The following SPHK2 variants were observed in gnomAD, a reference collection of about 807,000 sequenced individuals.
SPHK2 encodes sphingosine kinase 2.
In SPHK2, 18 loss-of-function variants were observed where a neutral mutation model predicts 32.3. The observed-to-expected ratio is 0.56, with a 90% CI of 0.39 to 0.83. SPHK2 has a LOEUF of 0.83. Ranked by LOEUF, SPHK2 falls within the 40% of genes least tolerant of loss-of-function variation. The pLI, the probability that SPHK2 is intolerant of heterozygous loss-of-function variation, is 0.00. For missense variants in SPHK2, 850 were observed against 908.7 expected, an observed-to-expected ratio of 0.94 and a Z score of 0.83; for synonymous variants, 462 against 417.6, an observed-to-expected ratio of 1.11 and a Z score of -1.30.
Position 48,629,730 on chromosome 19 carries a change from C to G in SPHK2, c.1922C>G (p.Thr641Arg). 1 of 1,598,244 alleles carries G rather than the reference C, an allele frequency of 6.3e-7. No individual in the cohort carries two copies. ...GCACAGATGCACCCTGGCATCGGTA[C>G]ACTGCTCACTGGGCCTCCTGGCTGC... ...LQAQMHPGIG[T>R]LLTGPPGCPG... Residue 641 changes from threonine to arginine, a missense_variant, in exon 7 of 7, where the codon ACA becomes AGA. Thr to Arg is a moderately conservative substitution (Grantham distance 71). Coordinates refer to ENST00000245222, the MANE Select transcript of SPHK2 (RefSeq NM_020126.5).
At position 48,626,161 on chromosome 19, in the gene SPHK2, C is replaced by T. The variant is rs1452074204; in HGVS notation, c.310C>T (p.Arg104Ter). The T allele has an allele frequency of 5.0e-6, 8 of 1,596,386 alleles. No homozygotes were observed. The highest frequency in any genetic ancestry group is 8.5e-7 in the Non-Finnish European group (1 of 1,171,946). ...LAEVSGCCTL[R>*]SRSPSDSAAY... Reference sequence around the variant, plus strand: ...CGAGGTCTCAGGCTGCTGCACCCTGCGAAGCCGCAGCCCCTCAGACTCAGC... The same window carrying T: ...CGAGGTCTCAGGCTGCTGCACCCTGTGAAGCCGCAGCCCCTCAGACTCAGC... Residue 104 changes from arginine to a stop codon, truncating the protein, a stop_gained, in exon 3 of 7, where the codon CGA becomes TGA. Coordinates refer to ENST00000245222, the MANE Select transcript of SPHK2 (RefSeq NM_020126.5). LOFTEE classifies it high-confidence loss of function.
Position 48,629,501 on chromosome 19 carries a change from C to G in SPHK2, c.1693C>G (p.Leu565Val). 1 of 1,607,466 alleles carries G rather than the reference C, an allele frequency of 6.2e-7. No individual in the cohort carries two copies. The highest frequency in any genetic ancestry group is 8.5e-7 in the Non-Finnish European group (1 of 1,178,498). The change falls in exon 7 of 7, where the codon CTG (leucine) becomes GTG (valine). Residue 565 changes from leucine (L) to valine (V), a missense_variant. By Grantham distance (32) the Leu-to-Val change is conservative (BLOSUM62 1). This residue lies in a region of SPHK2 where 306 missense variants were observed against 268.6 expected (regional missense o/e 1.14). Coordinates refer to ENST00000245222, the MANE Select transcript of SPHK2 (RefSeq NM_020126.5). ...TCCGCATGCGCGCTTCGACGACGGC[C>G]TGGTGCACCTGTGCTGGGTGCGTAG... ...AAPHARFDDG[L>V]VHLCWVRSGI...
intron 2 of SPHK2, among the ~76,000 whole-genome samples, chr19:48,621,754 G>A (rs570501514): frequency 2.6e-5 from 4 of 152,278 alleles, no homozygotes; most frequent in African/African-American, 7.2e-5. Flanking sequence ...TTATAGCAGC[G>A]AGAAACAAAG....
chr19:48,620,536 G>C lies in SPHK2; in HGVS notation c.22G>C (p.Glu8Gln), dbSNP rs1167377241. 1.9e-6 allele frequency: 3 copies of C among 1,612,926 alleles called. No individual in the cohort carries two copies. In the African/African-American group the frequency reaches 4.0e-5, roughly 22 times the overall value. Residue 8 changes from glutamate (E) to glutamine (Q), a missense_variant, in exon 2 of 7, where the codon GAG becomes CAG. By Grantham distance (29) the Glu-to-Gln change is conservative. Transcript: ENST00000245222. The stretch of plus-strand genomic sequence containing the variant: ...GCAGATGAATGGACACCTTGAAGCA[G>C]AGGAGCAGCAGGACCAGGTAAGGGA... MNGHLEA[E>Q]EQQDQRPDQE... is the part of the protein sequence containing the mutation.
chr19:48,629,981 A>G lies in SPHK2; in HGVS notation c.*208A>G. On this transcript the variant is annotated 3_prime_UTR_variant, in exon 7 of 7. Coordinates refer to ENST00000245222, the MANE Select transcript of SPHK2 (RefSeq NM_020126.5). ...AGAGAAATGGGCTCGTCCCGAGGGT[A>G]GTGCCTGATCAATGAGGGCGGGGCC... 1 of 1,400,104 alleles carries G rather than the reference A, an allele frequency of 7.1e-7. No homozygotes were observed. The highest frequency in any genetic ancestry group is 9.2e-7 in the Non-Finnish European group (1 of 1,081,444). The allele number at this position is 1,400,104 out of a possible 1,614,324, so 86.7% of individuals were successfully genotyped here. A position where few individuals can be genotyped will look rare whatever the true frequency, so the allele number is the denominator to read the frequency against.
Position 48,628,984 on chromosome 19 carries a change from T to C in SPHK2, c.1176T>C (p.His392=). The part of the protein sequence containing the change: ...TVEPASPTPA[H]SLPRAKSELT... ...AACCTGCCTCGCCCACCCCTGCCCA[T>C]AGCCTGCCTCGTGCCAAGTCGGAGC... The change falls in exon 7 of 7, where the codon CAT becomes CAC. Residue 392 remains histidine, a synonymous_variant. Transcript: ENST00000245222. This position sits in a 1 kb window ranked among gnomAD's most constrained non-coding sequence, Gnocchi z 5.2. The C allele has an allele frequency of 6.2e-7, 1 of 1,613,608 alleles. No individual in the cohort carries two copies. The highest frequency in any genetic ancestry group is 8.5e-7 in the Non-Finnish European group (1 of 1,179,942).
Position 48,629,619 on chromosome 19 carries a change from C to A in SPHK2, c.1811C>A (p.Ala604Glu). The part of the protein sequence containing the change: ...SLGCPQLGYA[A>E]ARAFRLEPLT... The stretch of plus-strand genomic sequence containing the variant: ...GGCTGTCCGCAGCTGGGCTACGCCG[C>A]GGCCCGTGCCTTCCGCCTAGAGCCG... The change falls in exon 7 of 7, where the codon GCG (alanine) becomes GAG (glutamate). Residue 604 changes from alanine to glutamate, a missense_variant. Ala to Glu is a moderately radical substitution (Grantham distance 107). Transcript: ENST00000245222. 1 of 1,598,762 alleles carries A rather than the reference C, an allele frequency of 6.3e-7. No homozygotes were observed. The highest frequency in any genetic ancestry group is 8.5e-7 in the Non-Finnish European group (1 of 1,173,320).
rs970656740 is a variant in SPHK2 at position 48,620,488 on chromosome 19, T to G, written c.-27T>G. Reference sequence around the variant, plus strand: ...TTAAGACCCAGGGCCAGGGTCCCGTTGATGTAACAGAGCAGAGGACCAGCA... The same window carrying G: ...TTAAGACCCAGGGCCAGGGTCCCGTGGATGTAACAGAGCAGAGGACCAGCA... On this transcript the variant is annotated 5_prime_UTR_variant, in exon 2 of 7. Transcript: ENST00000245222. 8.1e-6 allele frequency: 13 copies of G among 1,611,114 alleles called. No individual in the cohort carries two copies. Among genetic ancestry groups the G allele is most frequent in the East Asian group, 2.2e-5 (1 of 44,808 alleles).
intron 2 of SPHK2, chr19:48,625,077 G>C: frequency 1.0e-6 from 1 of 994,180 alleles, no homozygotes; most frequent in Admixed American, 5.6e-5. Context: ...AGACACCCAG[G>C]TCAGTGCTCA....
chr19:48,628,373 T>G lies in SPHK2; in HGVS notation c.872+96T>G, dbSNP rs2030173095. 5.0e-6 allele frequency: 6 copies of G among 1,209,006 alleles called. No individual in the cohort carries two copies. The East Asian group carries it at 1.4e-4, about 28-fold the overall frequency. 74.9% of individuals were successfully genotyped at this position (1,209,006 alleles called of 1,614,324 possible). A position where few individuals can be genotyped will look rare whatever the true frequency, so the allele number is the denominator to read the frequency against. On this transcript the variant is annotated intron_variant, in intron 6 of 6. Transcript: ENST00000245222. The surrounding 1 kb of genome is among the most constrained non-coding windows in gnomAD (Gnocchi z 5.2). ...TCAGCCAAACCCACAGTCAGTCAAG[T>G]AAATCAGCCTGCCTGTGGGATGCTC...
At chr19:48,627,522 C>T (rs1368041301) in intron 3 of SPHK2, among the ~76,000 whole-genome samples, 170 bp from the exon 4 acceptor site, 1 of 152,232 alleles carries the variant, frequency 6.6e-6, no homozygotes, top group Non-Finnish European at 1.5e-5. Context: ...GCCTTTGTCT[C>T]AGCAGCTAGG....
chr19:48,629,836 C>G lies in SPHK2; in HGVS notation c.*63C>G. ...ACATTCCAATGGGGCGGAGCCTGAGCTAGGGGGTGTGGCCTGGCTGCTAGA... is the reference window on the plus strand; with the variant it reads ...ACATTCCAATGGGGCGGAGCCTGAGGTAGGGGGTGTGGCCTGGCTGCTAGA... On this transcript the variant is annotated 3_prime_UTR_variant, in exon 7 of 7. Transcript: ENST00000245222. 2.0e-6 allele frequency: 3 copies of G among 1,500,232 alleles called. No homozygotes were observed. The highest frequency in any genetic ancestry group is 2.7e-6 in the Non-Finnish European group (3 of 1,124,894). The allele number at this position is 1,500,232 out of a possible 1,614,324, so 92.9% of individuals were successfully genotyped here.
At chr19:48,623,616 C>T (rs2147675530) in intron 2 of SPHK2, among the ~76,000 whole-genome samples, 1 of 152,290 alleles carries the variant, frequency 6.6e-6, no homozygotes, top group Non-Finnish European at 1.5e-5. Context: ...GAGATACTGT[C>T]CCCATCTCTC....
intron 2 of SPHK2, chr19:48,625,383 C>A: frequency 8.5e-7 from 1 of 1,170,696 alleles, no homozygotes; most frequent in Middle Eastern, 3.9e-4. Flanking sequence ...GCTGTTTTAC[C>A]CACTGCACCG....
intron 2 of SPHK2, among the ~76,000 whole-genome samples, chr19:48,622,675 C>A (rs1555740830): frequency 1.3e-5 from 2 of 151,486 alleles, no homozygotes; most frequent in Admixed American, 6.6e-5. Flanking sequence ...TTGGCACATA[C>A]TATCTGGTGC....
chr19:48,624,207 C>T (rs1974515409), intron 2 of SPHK2: 2 of 152,262 alleles, frequency 1.3e-5, no homozygotes, highest in African/African-American at 4.8e-5. Flanking sequence ...GGCGGCCAGT[C>T]TCCCGAAGCG....
At chr19:48,624,932 A>T (rs534292875) in intron 2 of SPHK2, 1 of 961,910 alleles carries the variant, frequency 1.0e-6, no homozygotes, top group Admixed American at 6.8e-5. Flanking sequence ...CAGGACTGGC[A>T]GGTGGCTGGG....
chr19:48,630,082 G>A lies in SPHK2; in HGVS notation c.*309G>A, dbSNP rs1213262575. 8 of 1,279,282 alleles carry A rather than the reference G, an allele frequency of 6.3e-6. No homozygotes were observed. Among genetic ancestry groups the A allele is most frequent in the South Asian group, 2.8e-5 (1 of 36,158 alleles). 79.2% of individuals were successfully genotyped at this position (1,279,282 alleles called of 1,614,324 possible). ...TTGCCACCTGCTCCTACCCGGCCAG[G>A]ATGGCTGAGGGCGGAGTCTATTTTA... On this transcript the variant is annotated 3_prime_UTR_variant, in exon 7 of 7. Transcript: ENST00000245222. This position sits in a 1 kb window ranked among gnomAD's most constrained non-coding sequence, Gnocchi z 4.9.
In SPHK2 at chr19:48,629,387, C is replaced by T. The variant is rs1230606844; in HGVS notation, c.1579C>T (p.Leu527=). ...DHLLPPLGTP[L]PPDWVTLEGD... is the part of the protein sequence containing the mutation. ...CCTGCTGCCTCCGCTGGGCACCCCG[C>T]TGCCCCCAGACTGGGTGACGCTGGA... Residue 527 remains leucine, a synonymous_variant, in exon 7 of 7, where the codon CTG becomes TTG. Transcript: ENST00000245222. 4 of 1,611,888 alleles carry T rather than the reference C, an allele frequency of 2.5e-6. No individual in the cohort carries two copies. Among genetic ancestry groups the T allele is most frequent in the Middle Eastern group, 1.7e-4 (1 of 6,058 alleles).
Sources: gnomAD v4.1 joint callset for allele counts (sites outside exome capture counted in the v4.1 genomes callset) on GRCh38, gnomAD v4.1.1 for gene constraint, gnomAD v4.1.1 regional missense constraint, Gnocchi (gnomAD v3.1) non-coding constraint, MANE v1.5 for transcripts, NCBI Gene and HGNC (gene_info 2026-07-23, HGNC 2026-07-21) for gene names.